The following ZNF536 variants were observed in gnomAD, a reference collection of about 807,000 sequenced individuals.
ZNF536 encodes zinc finger protein 536.
In ZNF536, 13 loss-of-function variants were observed where a neutral mutation model predicts 84.5. That is an observed-to-expected ratio of 0.15 (90% CI 0.10 to 0.24). The LOEUF (loss-of-function observed/expected upper bound fraction) is 0.24, where lower values mean the gene tolerates loss of function less well. Ranked by LOEUF, ZNF536 falls within the 10% of genes least tolerant of loss-of-function variation. The pLI is 1.00. For missense variants in ZNF536, 1,536 were observed against 1,747.5 expected, an observed-to-expected ratio of 0.88 and a Z score of 2.16; for synonymous variants, 811 against 742.5, an observed-to-expected ratio of 1.09 and a Z score of -1.50.
chr19:30,320,241 G>C (rs2046810029), intron 2 of ZNF536, among the ~76,000 whole-genome samples: 1 of 152,122 alleles, frequency 6.6e-6, no homozygotes, highest in Non-Finnish European at 1.5e-5. Context: ...TATTTTGATG[G>C]TCACTGTCAT....
chr19:30,567,256 A>T (rs927571342), intron 1 of ZNF536, among the ~76,000 whole-genome samples: 12 of 152,214 alleles, frequency 7.9e-5, no homozygotes, highest in African/African-American at 2.9e-4. Context: ...CGATTTGGCG[A>T]TCCTAACCTG....
chr19:30,347,138 A>C, intron 2 of ZNF536, among the ~76,000 whole-genome samples: 1 of 149,012 alleles, frequency 6.7e-6, no homozygotes. Context: ...TCTTGGCCGC[A>C]TGTATGCCTT....
rs539153108 is a variant in ZNF536, at chr19:30,576,181, C to A, written c.169+26667C>A. ...AGGAAAGCCTCTGCAGAGCATGAGA[C>A]GATTTGGAGAGAGCAGGCTGCTGGG... On this transcript the variant is annotated intron_variant, in intron 1 of 1. Transcript: ENST00000592773. Among the ~76,000 whole-genome samples the A allele has an allele frequency of 2.7e-4, 41 of 152,240 alleles. 1 individual carries two copies. The highest frequency in any genetic ancestry group is 9.1e-4 in the African/African-American group (38 of 41,540).
intron 1 of ZNF536, among the ~76,000 whole-genome samples, chr19:30,634,629 T>G (rs538976962): frequency 9.2e-4 from 140 of 152,272 alleles, no homozygotes; most frequent in African/African-American, 3.3e-3. Context: ...GATTTCCTGT[T>G]GGTTTGTGTT....
chr19:30,558,929 A>G (rs1227557644), downstream of ZNF536, among the ~76,000 whole-genome samples: 3 of 152,346 alleles, frequency 2.0e-5, no homozygotes, highest in Admixed American at 2.0e-4. Context: ...CTGTGTAACA[A>G]GGGAATGGAA....
At chr19:30,597,493 C>G (rs890484279) in intron 1 of ZNF536, among the ~76,000 whole-genome samples, 1 of 152,198 alleles carries the variant, frequency 6.6e-6, no homozygotes, top group Non-Finnish European at 1.5e-5. Context: ...ATAGGTGATG[C>G]TCTGTAAATC....
chr19:30,418,885 T>G (rs1236290578), intron 1 of ZNF536, among the ~76,000 whole-genome samples: 1 of 152,246 alleles, frequency 6.6e-6, no homozygotes, highest in Non-Finnish European at 1.5e-5. Context: ...AATTTTCTTT[T>G]AAAAATTAAG....
At chr19:30,566,780 C>T (rs1432774397) in intron 1 of ZNF536, among the ~76,000 whole-genome samples, 1 of 148,474 alleles carries the variant, frequency 6.7e-6, no homozygotes, top group South Asian at 2.2e-4. Flanking sequence ...GGAGGGATCC[C>T]TGCCTGTGGC....
intron 1 of ZNF536, among the ~76,000 whole-genome samples, chr19:30,674,134 G>A (rs926699098): frequency 1.3e-5 from 2 of 152,232 alleles, no homozygotes; most frequent in Admixed American, 6.5e-5. Context: ...CAGAGCTGAG[G>A]CACTCGGAAA....
At chr19:30,527,910 TTTG>T (rs2044656142) in intron 2 of ZNF536, among the ~76,000 whole-genome samples, 1 of 152,188 alleles carries the variant, frequency 6.6e-6, no homozygotes, top group Non-Finnish European at 1.5e-5. Flanking sequence ...ATGTGATTTT[TTTG>T]TTGTTGTTGT....
chr19:30,465,820 G>A (rs956377912), intron 2 of ZNF536, among the ~76,000 whole-genome samples: 2 of 151,744 alleles, frequency 1.3e-5, no homozygotes, highest in African/African-American at 2.4e-5. Context: ...GTGCGATCTC[G>A]GCTCACTGCA....
intron 1 of ZNF536, among the ~76,000 whole-genome samples, chr19:30,567,104 G>A (rs1004950352): frequency 6.6e-6 from 1 of 152,220 alleles, no homozygotes; most frequent in Non-Finnish European, 1.5e-5. Context: ...CACCTTGCGG[G>A]TGCTTTTCTG....
chr19:30,694,322 C>A (rs187041091), intron 1 of ZNF536, among the ~76,000 whole-genome samples: 1 of 152,354 alleles, frequency 6.6e-6, no homozygotes, highest in African/African-American at 2.4e-5. Flanking sequence ...CAGCAGGGAC[C>A]ACCCACTTGT....
chr19:30,364,676 C>T (rs2048371845), intron 3 of ZNF536, among the ~76,000 whole-genome samples: 1 of 152,212 alleles, frequency 6.6e-6, no homozygotes, highest in African/African-American at 2.4e-5. Flanking sequence ...GCACAGGGTG[C>T]ATTGCAGGCA....
At chr19:30,550,812 A>AT (rs1004368521) in intron 4 of ZNF536, among the ~76,000 whole-genome samples, 3 of 152,120 alleles carry the variant, frequency 2.0e-5, no homozygotes, top group African/African-American at 4.8e-5. Flanking sequence ...GGTCAGAAAT[A>AT]TTTTTTTGAA....
intron 2 of ZNF536, among the ~76,000 whole-genome samples, chr19:30,351,601 T>C (rs1292416106): frequency 6.6e-6 from 1 of 152,218 alleles, no homozygotes; most frequent in East Asian, 1.9e-4. Flanking sequence ...TTAAGAACAA[T>C]ATCTTGAGTG....
chr19:30,442,425 A>G (rs2052095399), intron 1 of ZNF536, among the ~76,000 whole-genome samples: 2 of 152,248 alleles, frequency 1.3e-5, no homozygotes, highest in Non-Finnish European at 2.9e-5. Context: ...ATTTGTACTC[A>G]TTATTGTATA....
At chr19:30,626,158 A>G (rs1305854890) in intron 1 of ZNF536, among the ~76,000 whole-genome samples, 2 of 152,196 alleles carry the variant, frequency 1.3e-5, no homozygotes, top group Non-Finnish European at 2.9e-5. Flanking sequence ...CGGCCAGAGC[A>G]CGGGGATGAT....
chr19:30,365,545 CT>C (rs1247876990), intron 3 of ZNF536, among the ~76,000 whole-genome samples: 2 of 152,226 alleles, frequency 1.3e-5, no homozygotes, highest in Non-Finnish European at 2.9e-5. Flanking sequence ...ATTGCCACTT[CT>C]ATGAATGCAG....
Sources: gnomAD v4.1 joint callset for allele counts (sites outside exome capture counted in the v4.1 genomes callset) on GRCh38, gnomAD v4.1.1 for gene constraint, MANE v1.5 for transcripts, NCBI Gene and HGNC (gene_info 2026-07-23, HGNC 2026-07-21) for gene names.